Variants in FAM53B observed in about 807,000 individuals in gnomAD.
FAM53B encodes family with sequence similarity 53 member B.
Under a neutral mutation model 32.7 loss-of-function variants are expected in FAM53B, and 12 were observed. The observed-to-expected ratio is 0.37, with a 90% CI of 0.24 to 0.59. FAM53B has a LOEUF of 0.59. Ranked by LOEUF, FAM53B falls within the 20% of genes least tolerant of loss-of-function variation. The pLI is 0.72. For synonymous variants in FAM53B, 234 were observed against 228.7 expected (o/e 1.02, Z -0.21); for missense variants, 477 against 577.7 (o/e 0.83, Z 1.79).
rs1949300177 is a variant in FAM53B, at chr10:124,620,358, C to CCT, written c.*2883_*2884insAG. 3 of 142,538 alleles carry CCT rather than the reference C, an allele frequency of 2.1e-5. No homozygotes were observed. The highest frequency in any genetic ancestry group is 4.6e-5 in the Non-Finnish European group (3 of 65,086). The allele number at this position is 142,538 out of a possible 1,614,324, so 8.8% of individuals were successfully genotyped here. On this transcript the variant is annotated 3_prime_UTR_variant, in exon 5 of 5. Coordinates refer to ENST00000337318, the MANE Select transcript of FAM53B (RefSeq NM_014661.4). ...AGTGGGGTGCATGTGGCACTAAGCC[C>CCT]CCCCCACCGCCCCGGCTTTCCTGCA...
chr10:124,625,503 C>T (rs554769292), intron 4 of FAM53B, among the ~76,000 whole-genome samples: 7 of 152,280 alleles, frequency 4.6e-5, no homozygotes, highest in East Asian at 1.9e-4. Context: ...GAGCTGGAGA[C>T]GGCGACCCCT....
In FAM53B at chr10:124,664,425, G is replaced by C. The variant is rs959181796; in HGVS notation, c.906+17182C>G. Among the ~76,000 whole-genome samples the C allele has an allele frequency of 4.6e-5, 7 of 152,222 alleles. No individual in the cohort carries two copies. In the South Asian group the frequency reaches 8.3e-4, roughly 18 times the overall value. On this transcript the variant is annotated intron_variant, in intron 4 of 4. Transcript: ENST00000337318. The stretch of plus-strand genomic sequence containing the variant: ...CGCCTTTAGGAAACAGGTCAGCTTG[G>C]GGAGCTTCAACACTGGGCCGGGAAG...
In FAM53B at chr10:124,733,935, AG is replaced by A. The variant is rs756965591; in HGVS notation, c.-175+10077del. Among the ~76,000 whole-genome samples, 51 of 152,208 alleles carry A rather than the reference AG, an allele frequency of 3.4e-4. No individual in the cohort carries two copies. Among genetic ancestry groups the A allele is most frequent in the Non-Finnish European group, 6.8e-4 (46 of 68,034 alleles). On this transcript the variant is annotated intron_variant, in intron 1 of 4. Coordinates refer to ENST00000337318, the MANE Select transcript of FAM53B (RefSeq NM_014661.4). The surrounding 1 kb of genome is among the most constrained non-coding windows in gnomAD (Gnocchi z 4.3). ...CCAGGTCTCCCAGATTCCCTGACAC[AG>A]TCCCATGGTGCTGTGACTGGGGACA... is the stretch of plus-strand genomic sequence containing the variant.
chr10:124,626,171 G>A (rs1174412809), intron 4 of FAM53B, among the ~76,000 whole-genome samples: 1 of 152,250 alleles, frequency 6.6e-6, no homozygotes, highest in East Asian at 1.9e-4. Context: ...TGCTGCGAGT[G>A]TTTTCTGTGG....
chr10:124,648,302 G>A (rs528304283), intron 4 of FAM53B, among the ~76,000 whole-genome samples: 1 of 152,390 alleles, frequency 6.6e-6, no homozygotes, highest in African/African-American at 2.4e-5. Flanking sequence ...CCAGGATGGA[G>A]AGGGACAGAT....
rs572365285 is a variant in FAM53B, at chr10:124,681,743, G to C, written c.770C>G (p.Ala257Gly). 1 of 1,609,534 alleles carries C rather than the reference G, an allele frequency of 6.2e-7. No individual in the cohort carries two copies. Among genetic ancestry groups the C allele is most frequent in the Admixed American group, 1.7e-5 (1 of 59,256 alleles). Residue 257 changes from alanine (A) to glycine (G), a missense_variant, in exon 4 of 5, where the codon GCG (alanine) becomes GGG (glycine). This residue lies in a region of FAM53B where 312 missense variants were observed against 420.2 expected (regional missense o/e 0.74). Transcript: ENST00000337318. Reference protein sequence around the residue: ...NSTPASTPELARRSSGLSRSR... With the variant: ...NSTPASTPELGRRSSGLSRSR... ...GCGGGAAAGGCCGCTGGAGCGTCTCGCCAGCTCTGGTGTTGAGGCAGGTGT... is the reference window on the plus strand; with the variant it reads ...GCGGGAAAGGCCGCTGGAGCGTCTCCCCAGCTCTGGTGTTGAGGCAGGTGT...
At chr10:124,697,085 T>TC (rs1949878264) in intron 2 of FAM53B, among the ~76,000 whole-genome samples, 1 of 152,016 alleles carries the variant, frequency 6.6e-6, no homozygotes, top group Non-Finnish European at 1.5e-5. Context: ...GCTCGCTCGG[T>TC]CCTCTCATGA....
chr10:124,647,694 T>TG lies in FAM53B; in HGVS notation c.907-24091dup, dbSNP rs561918551. Among the ~76,000 whole-genome samples, 229 of 151,452 alleles carry TG rather than the reference T, an allele frequency of 1.5e-3. 3 individuals are homozygous for TG. In the South Asian group the frequency reaches 0.023, roughly 15 times the overall value. On this transcript the variant is annotated intron_variant, in intron 4 of 4. Transcript: ENST00000337318. Reference sequence around the variant, plus strand: ...ACCCTTTCCATGTCACCCCATGGGGTGGGGTGGCTATGTCTCCCTCGGGGT... The same window carrying TG: ...ACCCTTTCCATGTCACCCCATGGGGTGGGGGTGGCTATGTCTCCCTCGGGGT...
intron 4 of FAM53B, among the ~76,000 whole-genome samples, chr10:124,636,166 A>G (rs897301): frequency 0.94 from 143,491 of 152,300 alleles, 68,129 homozygotes; most frequent in Non-Finnish European, 1. Context: ...TCCTATTCAC[A>G]TGATCGCTTG....
intron 2 of FAM53B, among the ~76,000 whole-genome samples, chr10:124,699,776 C>T (rs1030979109): frequency 1.3e-5 from 2 of 152,210 alleles, no homozygotes; most frequent in Admixed American, 6.5e-5. Flanking sequence ...GACACTGGTT[C>T]CATGGCTGAC....
At chr10:124,644,598 A>G (rs1330657253) in intron 4 of FAM53B, among the ~76,000 whole-genome samples, 6 of 152,246 alleles carry the variant, frequency 3.9e-5, no homozygotes, top group African/African-American at 1.2e-4. Context: ...CCTGGCAGGA[A>G]CAGCTCAGAA....
At position 124,680,621 on chromosome 10, in the gene FAM53B, G is replaced by C. The variant is rs1001056688; in HGVS notation, c.906+986C>G. Among the ~76,000 whole-genome samples, 10 of 152,334 alleles carry C rather than the reference G, an allele frequency of 6.6e-5. No individual in the cohort carries two copies. The South Asian group carries it at 2.1e-3, about 32-fold the overall frequency. The stretch of plus-strand genomic sequence containing the variant: ...CTGCCGTGGATCTGGCCATAATGCT[G>C]AGTGACCAAGGCCATCCCCTCCAAC... On this transcript the variant is annotated intron_variant, in intron 4 of 4. Coordinates refer to ENST00000337318, the MANE Select transcript of FAM53B (RefSeq NM_014661.4).
intron 3 of FAM53B, among the ~76,000 whole-genome samples, chr10:124,689,726 G>A (rs752403466): frequency 3.3e-5 from 5 of 152,246 alleles, no homozygotes; most frequent in Non-Finnish European, 7.3e-5. Context: ...AGTTGGGGTG[G>A]CCCATGGCAG....
intron 3 of FAM53B, 118 bp downstream of exon 3, chr10:124,696,040 C>T (rs1390341270): frequency 4.8e-6 from 4 of 825,686 alleles, no homozygotes; most frequent in South Asian, 1.5e-5. Context: ...AGAAGAGTCC[C>T]GGGGCTGCTC....
intron 4 of FAM53B, among the ~76,000 whole-genome samples, chr10:124,638,353 G>A (rs536074171): frequency 4.5e-4 from 68 of 152,070 alleles, no homozygotes; most frequent in African/African-American, 1.6e-3. Context: ...ACTCCAGCCT[G>A]GGTGACAGAG....
chr10:124,627,297 C>T (rs1949362050), intron 4 of FAM53B, among the ~76,000 whole-genome samples: 1 of 152,194 alleles, frequency 6.6e-6, no homozygotes, highest in Non-Finnish European at 1.5e-5. Context: ...CCTCCATGCC[C>T]CGGGGCAAGG....
intron 4 of FAM53B, among the ~76,000 whole-genome samples, chr10:124,627,278 G>A (rs1949361900): frequency 6.6e-6 from 1 of 152,166 alleles, no homozygotes; most frequent in Admixed American, 6.5e-5. Context: ...CCCTGCAGCT[G>A]CCCTGTGCCC....
At position 124,682,059 on chromosome 10, in the gene FAM53B, C is replaced by T. The variant is rs762555526; in HGVS notation, c.454G>A (p.Val152Ile). The T allele has an allele frequency of 1.5e-5, 25 of 1,613,584 alleles. No individual in the cohort carries two copies. In the Admixed American group the frequency reaches 2.2e-4, roughly 14 times the overall value. ...CTGAAGCCGTTGGAATAGCGCTGGA[C>T]GCTGCCCCCGCTGTAGCAGCGTCTC... ...EKRRCYSGGS[V>I]QRYSNGFSTM... The change falls in exon 4 of 5, where the codon GTC becomes ATC. Residue 152 changes from valine (V) to isoleucine (I), a missense_variant. Physicochemically the swap from Val to Ile is conservative, Grantham distance 29. Around this residue, in one of 2 missense-constraint regions of FAM53B, gnomAD observed 312 missense variants for 420.2 expected, o/e 0.74. Transcript: ENST00000337318. The surrounding 1 kb of genome is among the most constrained non-coding windows in gnomAD (Gnocchi z 5.2).
At chr10:124,647,785 A>G (rs2134048692) in intron 4 of FAM53B, among the ~76,000 whole-genome samples, 1 of 152,266 alleles carries the variant, frequency 6.6e-6, no homozygotes, top group South Asian at 2.1e-4. Context: ...GCTTGAGATG[A>G]GCCGAGGAAA....
Sources: gnomAD v4.1 joint callset for allele counts (sites outside exome capture counted in the v4.1 genomes callset) on GRCh38, gnomAD v4.1.1 for gene constraint, gnomAD v4.1.1 regional missense constraint, Gnocchi (gnomAD v3.1) non-coding constraint, MANE v1.5 for transcripts, NCBI Gene and HGNC (gene_info 2026-07-23, HGNC 2026-07-21) for gene names.